The following PDE4B variants were observed in gnomAD, a reference collection of about 807,000 sequenced individuals.
The protein encoded by PDE4B is 3',5'-cyclic-AMP phosphodiesterase 4B.
PDE4B carries 20 observed loss-of-function variants against 82.2 expected under a neutral mutation model. That is an observed-to-expected ratio of 0.24 (90% CI 0.17 to 0.35). The LOEUF is 0.35. PDE4B is among the 10% of genes least tolerant of loss of function. The pLI is 1.00. For synonymous variants in PDE4B, 320 were observed against 318.9 expected (o/e 1.00, Z -0.04); for missense variants, 655 against 907.2 (o/e 0.72, Z 3.57).
intron 3 of PDE4B, among the ~76,000 whole-genome samples, chr1:65,967,115 A>T (rs1439163545): frequency 6.6e-6 from 1 of 152,232 alleles, no homozygotes; most frequent in Non-Finnish European, 1.5e-5. Flanking sequence ...ACAGAATGGG[A>T]GAAAATTTTT....
rs553848793 is a variant in PDE4B, at chr1:66,243,672, G to A, written c.282-3788G>A. Among the ~76,000 whole-genome samples the A allele has an allele frequency of 3.4e-4, 51 of 152,222 alleles. 1 individual carries two copies. The highest frequency in any genetic ancestry group is 3.4e-3 in the Middle Eastern group (1 of 294). On this transcript the variant is annotated intron_variant, in intron 3 of 16. Transcript: ENST00000341517. ...AATGGGAAAGACATTCCAGTTATGG[G>A]AAGCACCACTTCTCATACAGCCCAT...
intron 3 of PDE4B, among the ~76,000 whole-genome samples, chr1:66,158,135 C>A (rs1646537189): frequency 1.3e-5 from 2 of 152,092 alleles, no homozygotes; most frequent in Non-Finnish European, 2.9e-5. Context: ...GAGAATTGCC[C>A]TAAAAATATA....
In PDE4B at chr1:66,090,579, G is replaced by A. The variant is rs188586976; in HGVS notation, c.282-156881G>A. Reference sequence around the variant, plus strand: ...GAACAAATAGTTACAAACTCCCCGAGGTCTTAGATGACAAAATTATATATA... The same window carrying A: ...GAACAAATAGTTACAAACTCCCCGAAGTCTTAGATGACAAAATTATATATA... On this transcript the variant is annotated intron_variant, in intron 3 of 16. Coordinates refer to ENST00000341517, the MANE Select transcript of PDE4B (RefSeq NM_002600.4). Among the ~76,000 whole-genome samples the A allele has an allele frequency of 3.5e-3, 464 of 133,336 alleles. 1 individual carries two copies. Among genetic ancestry groups the A allele is most frequent in the Non-Finnish European group, 5.1e-3 (333 of 65,042 alleles). The allele number at this position is 133,336 out of a possible 152,430, so 87.5% of individuals were successfully genotyped here.
At chr1:66,233,418 G>A (rs556843372) in intron 3 of PDE4B, among the ~76,000 whole-genome samples, 74 of 151,368 alleles carry the variant, frequency 4.9e-4, no homozygotes, top group Non-Finnish European at 8.7e-4. Flanking sequence ...TTTTTACTAT[G>A]CCAATGCTAC....
chr1:66,049,974 T>A (rs1027015870), intron 3 of PDE4B, among the ~76,000 whole-genome samples: 1 of 152,050 alleles, frequency 6.6e-6, no homozygotes, highest in Non-Finnish European at 1.5e-5. Context: ...AAATAATACA[T>A]TTAAAACTAT....
chr1:65,978,300 T>A (rs1206005832), intron 3 of PDE4B, among the ~76,000 whole-genome samples: 1 of 152,150 alleles, frequency 6.6e-6, no homozygotes, highest in African/African-American at 2.4e-5. Context: ...AGTACTGGGA[T>A]TACCAGTATG....
chr1:66,321,877 C>T (rs1191320670), intron 7 of PDE4B, among the ~76,000 whole-genome samples: 1 of 148,640 alleles, frequency 6.7e-6, no homozygotes, highest in Non-Finnish European at 1.5e-5. Flanking sequence ...CAATCCTAAG[C>T]CAAAAGAACA....
intron 3 of PDE4B, among the ~76,000 whole-genome samples, chr1:65,988,668 A>T (rs1019649465): frequency 5.9e-5 from 9 of 152,010 alleles, no homozygotes; most frequent in African/African-American, 1.4e-4. Flanking sequence ...TTGTCTTTTT[A>T]AAAAAAGCTT....
intron 7 of PDE4B, among the ~76,000 whole-genome samples, chr1:66,330,393 G>A (rs141271089): frequency 3.2e-4 from 49 of 152,170 alleles, no homozygotes; most frequent in Middle Eastern, 3.4e-3. Flanking sequence ...GTACTTCTGC[G>A]GGTATAATTA....
At chr1:65,924,077 A>ATTTTTTTTTTTTTTT (rs71058436) in intron 3 of PDE4B, among the ~76,000 whole-genome samples, 2,912 of 40,660 alleles carry the variant, frequency 0.072, 1,167 homozygotes, top group Admixed American at 0.15. Flanking sequence ...CAGTTTGCTA[A>ATTTTTTTTTTTTTTT]TTTTTTTTTT....
chr1:66,102,690 C>G (rs757271427), intron 3 of PDE4B, among the ~76,000 whole-genome samples: 2 of 151,922 alleles, frequency 1.3e-5, no homozygotes, highest in Non-Finnish European at 2.9e-5. Context: ...GAAAAAAACA[C>G]AAATATAAGG....
intron 3 of PDE4B, among the ~76,000 whole-genome samples, chr1:66,238,483 G>A (rs12239365): frequency 0.18 from 26,692 of 152,010 alleles, 4,476 homozygotes; most frequent in African/African-American, 0.43. Context: ...GGTTTGGAGG[G>A]TGGAGTTGGG....
chr1:66,144,457 A>G (rs1646231570), intron 3 of PDE4B, among the ~76,000 whole-genome samples: 1 of 152,210 alleles, frequency 6.6e-6, no homozygotes, highest in Non-Finnish European at 1.5e-5. Flanking sequence ...TAGAGAATAA[A>G]TTATTTTCTT....
chr1:66,002,056 A>G (rs1250536181), intron 3 of PDE4B, among the ~76,000 whole-genome samples: 2 of 152,136 alleles, frequency 1.3e-5, no homozygotes, highest in Non-Finnish European at 2.9e-5. Flanking sequence ...AAACACTGCC[A>G]AACTGTTTTC....
intron 3 of PDE4B, among the ~76,000 whole-genome samples, chr1:66,056,665 A>G (rs1655320965): frequency 1.3e-5 from 2 of 149,600 alleles, no homozygotes; most frequent in Non-Finnish European, 3.0e-5. Context: ...AAAGTGGAAG[A>G]CCTTTTATGC....
intron 1 of PDE4B, among the ~76,000 whole-genome samples, chr1:65,838,114 G>A (rs1471634504): frequency 6.6e-6 from 1 of 152,126 alleles, no homozygotes; most frequent in Non-Finnish European, 1.5e-5. Context: ...GAAGGGATTG[G>A]GTTTTTTCCT....
At chr1:66,076,066 T>A (rs979886986) in intron 3 of PDE4B, among the ~76,000 whole-genome samples, 1 of 152,088 alleles carries the variant, frequency 6.6e-6, no homozygotes, top group Admixed American at 6.6e-5. Context: ...AGATGGTACA[T>A]GTGCAAGTTT....
chr1:66,003,066 T>A (rs1954618), intron 3 of PDE4B, among the ~76,000 whole-genome samples: 1 of 152,130 alleles, frequency 6.6e-6, no homozygotes, highest in Non-Finnish European at 1.5e-5. Context: ...GGAACTAGTT[T>A]TTTTTTATTT....
intron 3 of PDE4B, among the ~76,000 whole-genome samples, chr1:65,957,302 T>C (rs1190127638): frequency 1.3e-5 from 2 of 152,146 alleles, no homozygotes; most frequent in Non-Finnish European, 2.9e-5. Context: ...TCCTATATTT[T>C]CTCTAAAAGT....
Sources: allele counts gnomAD v4.1 joint callset (sites outside exome capture counted in the v4.1 genomes callset), GRCh38; gene constraint gnomAD v4.1.1; transcripts MANE v1.5; gene names NCBI Gene and HGNC (gene_info 2026-07-23, HGNC 2026-07-21).